The following TG variants were observed in gnomAD, a reference collection of about 807,000 sequenced individuals.
TG encodes the protein thyroglobulin, also known as thyroid hormones.
A neutral mutation model predicts 324.7 loss-of-function variants in TG; 270 were observed. The ratio of observed to expected loss-of-function variants is 0.83; its 90% confidence interval spans 0.75 to 0.92. TG has a LOEUF of 0.92. Ranked by LOEUF, TG falls within the 40% of genes least tolerant of loss-of-function variation. The pLI is 0.00. For synonymous variants in TG, 1,401 were observed against 1,327.0 expected (o/e 1.06, Z -1.21); for missense variants, 3,591 against 3,456.4 (o/e 1.04, Z -0.98).
At chr8:133,019,534 C>A in intron 38 of TG, 68 bp from the exon 39 acceptor site, 1 of 1,386,026 alleles carries the variant, frequency 7.2e-7, no homozygotes, top group Non-Finnish European at 1.0e-6. Flanking sequence ...TGGGCTCTGA[C>A]CATGGTGGTG....
intron 8 of TG, 79 bp downstream of exon 8, chr8:132,883,078 C>A: frequency 6.7e-7 from 1 of 1,496,866 alleles, no homozygotes; most frequent in Non-Finnish European, 9.1e-7. Flanking sequence ...CCTCTCTGGA[C>A]CCCATTAATT....
chr8:133,097,007 C>G (rs1228633370), intron 43 of TG, among the ~76,000 whole-genome samples: 1 of 152,202 alleles, frequency 6.6e-6, no homozygotes, highest in Non-Finnish European at 1.5e-5. Flanking sequence ...ACATGCTCCT[C>G]TGCCCACCCC....
chr8:133,132,433 T>C (rs572910159), intron 46 of TG, among the ~76,000 whole-genome samples: 4 of 152,316 alleles, frequency 2.6e-5, no homozygotes, highest in Middle Eastern at 3.4e-3. Flanking sequence ...TCAGCTTAAG[T>C]TGAAATGCTC....
chr8:133,031,078 T>A (rs1163400846), intron 41 of TG, among the ~76,000 whole-genome samples: 2 of 152,226 alleles, frequency 1.3e-5, no homozygotes, highest in Non-Finnish European at 2.9e-5. Context: ...ATTACTACTA[T>A]CCGTCGCCAG....
intron 21 of TG, among the ~76,000 whole-genome samples, chr8:132,922,962 G>T (rs1821317241): frequency 1.3e-5 from 2 of 152,198 alleles, no homozygotes; most frequent in African/African-American, 4.8e-5. Context: ...GAGACAATGA[G>T]AATTGGGATG....
chr8:132,990,467 T>C (rs1455676405), intron 35 of TG, among the ~76,000 whole-genome samples: 1 of 152,024 alleles, frequency 6.6e-6, no homozygotes, highest in Non-Finnish European at 1.5e-5. Flanking sequence ...GTTTTGAAAA[T>C]ATACACTAAT....
chr8:133,088,800 T>G (rs1847023252), intron 41 of TG, among the ~76,000 whole-genome samples: 1 of 152,332 alleles, frequency 6.6e-6, no homozygotes, highest in South Asian at 2.1e-4. Context: ...CGAATTGTAT[T>G]AATTACTGTC....
intron 35 of TG, among the ~76,000 whole-genome samples, chr8:132,984,539 CAGA>C (rs1831286945): frequency 1.3e-5 from 2 of 152,156 alleles, no homozygotes; most frequent in Admixed American, 1.3e-4. Context: ...CAAGACCAAA[CAGA>C]TAATACATGT....
At chr8:132,916,281 AC>A (rs1203316668) in intron 20 of TG, among the ~76,000 whole-genome samples, 7 of 152,220 alleles carry the variant, frequency 4.6e-5, no homozygotes, top group Non-Finnish European at 7.3e-5. Context: ...AGAGCACAGC[AC>A]TTAGTAAACT....
At chr8:133,050,575 A>G in intron 41 of TG, 1 of 445,962 alleles carries the variant, frequency 2.2e-6, no homozygotes, top group Non-Finnish European at 4.0e-6. Context: ...ATCATAAAGG[A>G]TCTCAAAAGC....
At chr8:132,976,173 T>G (rs1279743944) in intron 34 of TG, among the ~76,000 whole-genome samples, 2 of 152,228 alleles carry the variant, frequency 1.3e-5, no homozygotes. Context: ...TAGTCCGTTT[T>G]GTGCTGCTAT....
At position 133,116,689 on chromosome 8, in the gene TG, A is replaced by G; in HGVS notation, c.7835A>G (p.His2612Arg). 2 of 1,614,216 alleles carry G rather than the reference A, an allele frequency of 1.2e-6. No homozygotes were observed. The highest frequency in any genetic ancestry group is 2.2e-5 in the East Asian group (1 of 44,886). ...KRARGNVFMY[H>R]APENYGHGSL... ...GCCCGAGGAAACGTCTTCATGTACC[A>G]TGCTCCTGAAAACTACGGCCATGGC... is the stretch of plus-strand genomic sequence containing the variant. Residue 2612 changes from histidine (H) to arginine (R), a missense_variant, in exon 45 of 48, where the codon CAT becomes CGT. By Grantham distance (29) the His-to-Arg change is conservative. Coordinates refer to ENST00000220616, the MANE Select transcript of TG (RefSeq NM_003235.5).
intron 41 of TG, among the ~76,000 whole-genome samples, chr8:133,053,876 G>A (rs1428689264): frequency 6.6e-6 from 1 of 152,184 alleles, no homozygotes; most frequent in Non-Finnish European, 1.5e-5. Context: ...AAACATCACT[G>A]AGGAAACTTT....
intron 5 of TG, 118 bp from the exon 6 acceptor site, chr8:132,881,745 A>G: frequency 2.6e-6 from 2 of 762,826 alleles, no homozygotes; most frequent in South Asian, 1.4e-5. Context: ...CTGTCATGTG[A>G]TAAGAAAGTA....
Position 132,933,551 on chromosome 8 carries a change from G to A in TG, c.4817-10G>A, listed in dbSNP as rs1192797867. The A allele has an allele frequency of 6.2e-7, 1 of 1,613,634 alleles. No individual in the cohort carries two copies. The highest frequency in any genetic ancestry group is 8.5e-7 in the Non-Finnish European group (1 of 1,179,690). On this transcript the variant is annotated splice_polypyrimidine_tract_variant and intron_variant, in intron 23 of 47. Transcript: ENST00000220616. ...AAGCCAGGTGAGTGACCGTCCCATG[G>A]TGCTTGCAGATTGCACAGAGGACGA...
intron 41 of TG, among the ~76,000 whole-genome samples, chr8:133,061,064 T>C (rs922051612): frequency 6.6e-6 from 1 of 152,190 alleles, no homozygotes; most frequent in East Asian, 1.9e-4. Flanking sequence ...TAGGTTGGAG[T>C]GCAATGGCAC....
At chr8:133,089,655 T>G (rs1226276472) in intron 41 of TG, among the ~76,000 whole-genome samples, 15 of 152,192 alleles carry the variant, frequency 9.9e-5, no homozygotes, top group Admixed American at 9.8e-4. Context: ...CTGCCTGCCA[T>G]TCATTCATTT....
intron 35 of TG, among the ~76,000 whole-genome samples, chr8:132,999,236 G>T (rs1833202803): frequency 6.6e-6 from 1 of 152,102 alleles, no homozygotes; most frequent in South Asian, 2.1e-4. Flanking sequence ...GTGCAGAGAG[G>T]ACAGGCGGGC....
At chr8:133,119,652 T>C (rs1403328378) in intron 45 of TG, among the ~76,000 whole-genome samples, 3 of 152,192 alleles carry the variant, frequency 2.0e-5, no homozygotes, top group Non-Finnish European at 2.9e-5. Flanking sequence ...GCCCTGTCTC[T>C]TAATACAAAC....
Sources: allele counts gnomAD v4.1 joint callset (sites outside exome capture counted in the v4.1 genomes callset), GRCh38; gene constraint gnomAD v4.1.1; transcripts MANE v1.5; gene names NCBI Gene and HGNC (gene_info 2026-07-23, HGNC 2026-07-21).